Variants in DCP2 observed in about 807,000 individuals in gnomAD.
DCP2 encodes m7GpppN-mRNA hydrolase.
In DCP2, 30 loss-of-function variants were observed where a neutral mutation model predicts 56.1. The observed-to-expected ratio is 0.53, with a 90% CI of 0.40 to 0.73. The LOEUF (loss-of-function observed/expected upper bound fraction) is 0.73, where lower values mean the gene tolerates loss of function less well. DCP2 is among the 30% of genes least tolerant of loss of function. The probability of loss-of-function intolerance (pLI) is 0.00; values close to 1 mark genes in which losing one functional copy is unlikely to be tolerated. For missense variants in DCP2, 533 were observed against 502.7 expected (o/e 1.06, Z -0.58); for synonymous variants, 197 against 163.3 (o/e 1.21, Z -1.57).
At chr5:112,979,417 G>A (rs1007869007) in intron 1 of DCP2, among the ~76,000 whole-genome samples, 1 of 151,758 alleles carries the variant, frequency 6.6e-6, no homozygotes, top group Non-Finnish European at 1.5e-5. Context: ...CTTAGAATTT[G>A]GTAAACTTCT....
Position 113,020,319 on chromosome 5 carries a change from T to C in DCP2, c.*6835T>C, listed in dbSNP as rs1750056338. 1 of 152,162 alleles carries C rather than the reference T, an allele frequency of 6.6e-6. No individual in the cohort carries two copies. The highest frequency in any genetic ancestry group is 2.4e-5 in the African/African-American group (1 of 41,446). The allele number at this position is 152,162 out of a possible 1,614,324, so 9.4% of individuals were successfully genotyped here. A position where few individuals can be genotyped will look rare whatever the true frequency, so the allele number is the denominator to read the frequency against. On this transcript the variant is annotated 3_prime_UTR_variant, in exon 11 of 11. Transcript: ENST00000389063. ...CAACCTTTAATTTTTGCCTAGATTA[T>C]AGCAATGTTTTGTTTTACCTTATAG...
intron 1 of DCP2, among the ~76,000 whole-genome samples, chr5:112,982,833 C>T (rs990066006): frequency 6.6e-6 from 1 of 152,162 alleles, no homozygotes; most frequent in African/African-American, 2.4e-5. Context: ...AAAAAACTTT[C>T]TTGTCATGCT....
intron 1 of DCP2, among the ~76,000 whole-genome samples, 162 bp downstream of exon 1, chr5:112,977,148 C>T (rs1747748626): frequency 6.6e-6 from 1 of 152,176 alleles, no homozygotes; most frequent in Admixed American, 6.5e-5. Context: ...GACGACACCG[C>T]CCCTCTTTCC....
intron 1 of DCP2, among the ~76,000 whole-genome samples, chr5:112,979,560 A>G (rs947221833): frequency 6.6e-6 from 1 of 152,076 alleles, no homozygotes; most frequent in African/African-American, 2.4e-5. Context: ...TCTGTTGCTT[A>G]TTATTAGTGT....
At chr5:113,003,701 GA>G (rs35517643) in intron 7 of DCP2, among the ~76,000 whole-genome samples, 23,981 of 151,724 alleles carry the variant, frequency 0.16, 2,132 homozygotes, top group Non-Finnish European at 0.21. Flanking sequence ...AGTCTAGGAT[GA>G]AAAAAAATAG....
intron 1 of DCP2, chr5:112,984,479 A>T (rs1292045578): frequency 6.6e-6 from 1 of 151,870 alleles, no homozygotes; most frequent in Admixed American, 6.6e-5. Flanking sequence ...CTGAGCTGAC[A>T]ACCAGCCATC....
chr5:112,977,531 A>G (rs1405130632), intron 1 of DCP2, among the ~76,000 whole-genome samples: 5 of 152,174 alleles, frequency 3.3e-5, no homozygotes, highest in African/African-American at 9.7e-5. Flanking sequence ...CCTGTAAGGA[A>G]TTACTTTTTT....
At chr5:112,988,624 A>G (rs532387301) in intron 2 of DCP2, among the ~76,000 whole-genome samples, 3 of 152,176 alleles carry the variant, frequency 2.0e-5, no homozygotes, top group Non-Finnish European at 4.4e-5. Flanking sequence ...GATGGGAGAC[A>G]GATTTCAAAG....
At position 113,017,236 on chromosome 5, in the gene DCP2, T is replaced by G. The variant is rs1424241059; in HGVS notation, c.*3752T>G. On this transcript the variant is annotated 3_prime_UTR_variant, in exon 11 of 11. Transcript: ENST00000389063. ...TTCTTCCTAGTAATTTTGACTTGGATTATTTTCTAGCCTGGGGGATGGGGT... is the reference window on the plus strand; with the variant it reads ...TTCTTCCTAGTAATTTTGACTTGGAGTATTTTCTAGCCTGGGGGATGGGGT... The G allele has an allele frequency of 6.6e-6, 1 of 152,234 alleles. No individual in the cohort carries two copies. The highest frequency in any genetic ancestry group is 1.5e-5 in the Non-Finnish European group (1 of 68,038). The allele number at this position is 152,234 out of a possible 1,614,324, so 9.4% of individuals were successfully genotyped here. A position where few individuals can be genotyped will look rare whatever the true frequency, so the allele number is the denominator to read the frequency against.
At chr5:112,978,240 G>A (rs1287520803) in intron 1 of DCP2, among the ~76,000 whole-genome samples, 4 of 152,210 alleles carry the variant, frequency 2.6e-5, no homozygotes, top group Middle Eastern at 3.2e-3. Flanking sequence ...CTCCCAAAGT[G>A]CTGGGATTAC....
intron 10 of DCP2, among the ~76,000 whole-genome samples, chr5:113,012,510 T>C (rs1200550992): frequency 6.6e-6 from 1 of 152,204 alleles, no homozygotes; most frequent in African/African-American, 2.4e-5. Flanking sequence ...CCCAGCCTCT[T>C]GATGTCTATT....
chr5:113,018,677 C>G lies in DCP2; in HGVS notation c.*5193C>G, dbSNP rs1441331570. Reference sequence around the variant, plus strand: ...GGTTGGGTGGTTTTTGGGTTATTGGCTACTGTTCGTTCAGTGCCATTTGAA... The same window carrying G: ...GGTTGGGTGGTTTTTGGGTTATTGGGTACTGTTCGTTCAGTGCCATTTGAA... On this transcript the variant is annotated 3_prime_UTR_variant, in exon 11 of 11. Coordinates refer to ENST00000389063, the MANE Select transcript of DCP2 (RefSeq NM_152624.6). The G allele has an allele frequency of 1.3e-5, 2 of 152,122 alleles. No individual in the cohort carries two copies. The highest frequency in any genetic ancestry group is 1.5e-5 in the Non-Finnish European group (1 of 68,058). The allele number at this position is 152,122 out of a possible 1,614,324, so 9.4% of individuals were successfully genotyped here.
intron 1 of DCP2, among the ~76,000 whole-genome samples, chr5:112,981,288 G>C (rs1341224490): frequency 6.6e-6 from 1 of 152,050 alleles, no homozygotes; most frequent in Non-Finnish European, 1.5e-5. Context: ...GAGATTACAG[G>C]TGTGAACTAC....
chr5:112,997,346 C>T (rs935168675), intron 4 of DCP2, among the ~76,000 whole-genome samples: 3 of 152,198 alleles, frequency 2.0e-5, no homozygotes, highest in Non-Finnish European at 4.4e-5. Context: ...CATCAACTTT[C>T]TTGAGAATAA....
chr5:112,994,357 T>C (rs1289522821), intron 4 of DCP2, among the ~76,000 whole-genome samples: 2 of 151,346 alleles, frequency 1.3e-5, no homozygotes, highest in Non-Finnish European at 2.9e-5. Flanking sequence ...TTATTTTTAA[T>C]GGTGGGGTCT....
rs1047762209 is a variant in DCP2, at chr5:113,016,424, T to C, written c.*2940T>C. 2 of 152,302 alleles carry C rather than the reference T, an allele frequency of 1.3e-5. No homozygotes were observed. Among genetic ancestry groups the C allele is most frequent in the African/African-American group, 4.8e-5 (2 of 41,472 alleles). 9.4% of individuals were successfully genotyped at this position (152,302 alleles called of 1,614,324 possible). A position where few individuals can be genotyped will look rare whatever the true frequency, so the allele number is the denominator to read the frequency against. On this transcript the variant is annotated 3_prime_UTR_variant, in exon 11 of 11. Coordinates refer to ENST00000389063, the MANE Select transcript of DCP2 (RefSeq NM_152624.6). ...TGTCAAAGGAATTGTGGTTACTACT[T>C]GCTGTTCTGAGCTTTGAATATCGTT...
intron 9 of DCP2, among the ~76,000 whole-genome samples, chr5:113,009,596 G>A (rs1215613279): frequency 6.6e-6 from 1 of 152,110 alleles, no homozygotes; most frequent in Non-Finnish European, 1.5e-5. Context: ...CCTAGAAGAG[G>A]AATCTAAAGA....
chr5:112,988,242 G>C (rs1237333178), intron 2 of DCP2, among the ~76,000 whole-genome samples: 1 of 151,860 alleles, frequency 6.6e-6, no homozygotes, highest in Non-Finnish European at 1.5e-5. Context: ...CAGCACTTTG[G>C]GAGGCCAAGG....
intron 2 of DCP2, among the ~76,000 whole-genome samples, chr5:112,988,352 C>T (rs542280254): frequency 2.0e-5 from 3 of 150,560 alleles, no homozygotes; most frequent in Non-Finnish European, 3.0e-5. Context: ...ATTAGCTGGG[C>T]GTGGTGGCGG....
Sources: allele counts gnomAD v4.1 joint callset (sites outside exome capture counted in the v4.1 genomes callset), GRCh38; gene constraint gnomAD v4.1.1; transcripts MANE v1.5; gene names NCBI Gene and HGNC (gene_info 2026-07-23, HGNC 2026-07-21).